Variants in GRIA4 observed in about 807,000 individuals in gnomAD.
GRIA4 encodes the protein glutamate ionotropic receptor AMPA type subunit 4, also known as glutamate receptor 4.
GRIA4 carries 34 observed loss-of-function variants against 104.0 expected under a neutral mutation model. That is an observed-to-expected ratio of 0.33 (90% CI 0.25 to 0.44). The LOEUF is 0.44. Ranked by LOEUF, GRIA4 falls within the 20% of genes least tolerant of loss-of-function variation. The pLI is 1.00. For synonymous variants in GRIA4, 386 were observed against 381.9 expected (o/e 1.01, Z -0.13); for missense variants, 750 against 1,096.5 (o/e 0.68, Z 4.46).
intron 3 of GRIA4, among the ~76,000 whole-genome samples, chr11:105,744,168 T>G (rs2186598): frequency 0.45 from 68,839 of 152,014 alleles, 16,028 homozygotes; most frequent in Middle Eastern, 0.52. Context: ...GATTATCAGT[T>G]TAGAGCCCTG....
intron 3 of GRIA4, among the ~76,000 whole-genome samples, chr11:105,700,996 T>C (rs1206613595): frequency 6.6e-6 from 1 of 152,196 alleles, no homozygotes; most frequent in Non-Finnish European, 1.5e-5. Flanking sequence ...CCCTATTCCT[T>C]TGAATGTCAA....
intron 3 of GRIA4, among the ~76,000 whole-genome samples, chr11:105,730,656 C>A (rs1287408609): frequency 6.6e-6 from 1 of 152,164 alleles, no homozygotes; most frequent in Non-Finnish European, 1.5e-5. Context: ...ACCAAAACAG[C>A]ATGGTACAGG....
chr11:105,898,183 G>A, intron 6 of GRIA4, 86 bp from the exon 7 acceptor site: 1 of 640,130 alleles, frequency 1.6e-6, no homozygotes. Context: ...CTTTTAATAT[G>A]TATAGGTTAT....
In GRIA4 at chr11:105,694,124, G is replaced by A. The variant is rs193253699; in HGVS notation, c.248-58857G>A. Among the ~76,000 whole-genome samples the A allele has an allele frequency of 1.4e-4, 21 of 151,316 alleles. 1 individual carries two copies. Among genetic ancestry groups the A allele is most frequent in the Admixed American group, 1.1e-3 (17 of 15,134 alleles). On this transcript the variant is annotated intron_variant, in intron 3 of 16. Transcript: ENST00000282499. ...AATAGAATGACCGTTATATTTTCTA[G>A]TAATGCATTTTTAAGAAGAAACAAG...
At position 105,911,775 on chromosome 11, in the gene GRIA4, A is replaced by AATATATATATATATATATATATAT. The variant is rs60005308; in HGVS notation, c.1269+1241_1269+1264dup. ...AATATTTGCATGGGACTTGAAAAGCAATATATATATATATATATATATATA... is the reference window on the plus strand; with the variant it reads ...AATATTTGCATGGGACTTGAAAAGCAATATATATATATATATATATATATATATATATATATATATATATATATA... On this transcript the variant is annotated intron_variant, in intron 10 of 16. Coordinates refer to ENST00000282499, the MANE Select transcript of GRIA4 (RefSeq NM_000829.4). The AATATATATATATATATATATATAT allele has an allele frequency of 3.0e-3, 224 of 74,568 alleles. 11 individuals are homozygous for AATATATATATATATATATATATAT. Among genetic ancestry groups the AATATATATATATATATATATATAT allele is most frequent in the African/African-American group, 5.6e-3 (81 of 14,464 alleles). The allele number at this position is 74,568 out of a possible 1,614,324, so 4.6% of individuals were successfully genotyped here. A position where few individuals can be genotyped will look rare whatever the true frequency, so the allele number is the denominator to read the frequency against.
intron 3 of GRIA4, among the ~76,000 whole-genome samples, chr11:105,690,691 G>A (rs1336465501): frequency 6.6e-6 from 1 of 152,166 alleles, no homozygotes; most frequent in Non-Finnish European, 1.5e-5. Flanking sequence ...AAAAAGATAT[G>A]TGCATGCTCT....
intron 14 of GRIA4, among the ~76,000 whole-genome samples, chr11:105,965,241 T>G (rs184316075): frequency 6.6e-6 from 1 of 151,638 alleles, no homozygotes; most frequent in Non-Finnish European, 1.5e-5. Flanking sequence ...CATGACATCC[T>G]GGGGTTTAAT....
At chr11:105,875,509 C>G (rs1053259123) in intron 5 of GRIA4, among the ~76,000 whole-genome samples, 2 of 152,044 alleles carry the variant, frequency 1.3e-5, no homozygotes, top group Non-Finnish European at 2.9e-5. Context: ...CTGTTTGTAC[C>G]TTTGGTAGAA....
At chr11:105,655,376 A>C (rs1440623858) in intron 3 of GRIA4, among the ~76,000 whole-genome samples, 1 of 152,140 alleles carries the variant, frequency 6.6e-6, no homozygotes, top group East Asian at 1.9e-4. Flanking sequence ...AATGGGATAC[A>C]TGTGCAGAAT....
chr11:105,643,674 A>G (rs1951435980), intron 3 of GRIA4, among the ~76,000 whole-genome samples: 1 of 152,088 alleles, frequency 6.6e-6, no homozygotes, highest in Non-Finnish European at 1.5e-5. Context: ...TGTTAGATGC[A>G]ATATTCCTGC....
At chr11:105,720,351 G>A (rs1310664451) in intron 3 of GRIA4, among the ~76,000 whole-genome samples, 2 of 151,950 alleles carry the variant, frequency 1.3e-5, no homozygotes, top group Non-Finnish European at 2.9e-5. Flanking sequence ...CTTCATCATT[G>A]CTGAACTGTG....
intron 3 of GRIA4, among the ~76,000 whole-genome samples, chr11:105,718,166 C>A (rs1461664962): frequency 1.3e-5 from 2 of 152,100 alleles, no homozygotes; most frequent in Admixed American, 6.6e-5. Context: ...AACACTGAGT[C>A]TTAAAATATT....
chr11:105,617,856 CG>C (rs1950640162), intron 3 of GRIA4, among the ~76,000 whole-genome samples: 1 of 151,894 alleles, frequency 6.6e-6, no homozygotes, highest in Admixed American at 6.6e-5. Flanking sequence ...TCAGTGATTA[CG>C]GTAATGATTA....
intron 3 of GRIA4, among the ~76,000 whole-genome samples, chr11:105,616,188 A>C (rs1387008103): frequency 1.3e-5 from 2 of 151,726 alleles, no homozygotes; most frequent in African/African-American, 4.8e-5. Flanking sequence ...TCTTATTTTA[A>C]AGTGATTTTT....
At chr11:105,850,726 G>A (rs1944777145) in intron 4 of GRIA4, among the ~76,000 whole-genome samples, 1 of 152,136 alleles carries the variant, frequency 6.6e-6, no homozygotes, top group South Asian at 2.1e-4. Flanking sequence ...GGGAGAATTG[G>A]GAGAAGGGGG....
intron 4 of GRIA4, among the ~76,000 whole-genome samples, chr11:105,852,046 A>G (rs1223499010): frequency 6.6e-6 from 1 of 152,236 alleles, no homozygotes; most frequent in Non-Finnish European, 1.5e-5. Flanking sequence ...AGAACTGCTC[A>G]TGAAATGTCT....
intron 4 of GRIA4, among the ~76,000 whole-genome samples, chr11:105,830,489 C>G (rs953364948): frequency 6.6e-6 from 1 of 152,016 alleles, no homozygotes; most frequent in African/African-American, 2.4e-5. Context: ...GAAAGACAGA[C>G]TTTTCTCTGC....
chr11:105,933,665 A>G (rs1192068716), intron 13 of GRIA4, 57 bp from the exon 14 acceptor site: 3 of 1,298,042 alleles, frequency 2.3e-6, no homozygotes, highest in Non-Finnish European at 3.2e-6. Flanking sequence ...GGTTCAGCGA[A>G]TATTAACATG....
chr11:105,714,855 T>G (rs1954037736), intron 3 of GRIA4, among the ~76,000 whole-genome samples: 1 of 151,974 alleles, frequency 6.6e-6, no homozygotes, highest in South Asian at 2.1e-4. Flanking sequence ...TTTCTGCAGG[T>G]GTCTCTGAGA....
Sources: gnomAD v4.1 joint callset for allele counts (sites outside exome capture counted in the v4.1 genomes callset) on GRCh38, gnomAD v4.1.1 for gene constraint, MANE v1.5 for transcripts, NCBI Gene and HGNC (gene_info 2026-07-23, HGNC 2026-07-21) for gene names.